The following PHIP variants were observed in gnomAD, a reference collection of about 807,000 sequenced individuals.
The protein encoded by PHIP is PH-interacting protein.
A neutral mutation model predicts 236.8 loss-of-function variants in PHIP; 54 were observed. The observed-to-expected ratio is 0.23, with a 90% confidence interval of 0.18 to 0.29. PHIP has a LOEUF of 0.29. Among genes scored for constraint, PHIP ranks in the 10% least tolerant of loss-of-function variants. PHIP has a pLI of 1.00. For synonymous variants in PHIP, 756 were observed against 718.9 expected, an observed-to-expected ratio of 1.05 and a Z score of -0.83; for missense variants, 1,370 against 2,190.8, an observed-to-expected ratio of 0.63 and a Z score of 7.48.
intron 35 of PHIP, among the ~76,000 whole-genome samples, chr6:78,948,503 C>T (rs1348755943): frequency 6.6e-6 from 1 of 151,934 alleles, no homozygotes; most frequent in East Asian, 1.9e-4. Flanking sequence ...TATTGTACCC[C>T]CCCTTTTTGG....
At chr6:78,956,485 G>A (rs1463754585) in intron 32 of PHIP, 1 of 152,044 alleles carries the variant, frequency 6.6e-6, no homozygotes, top group African/African-American at 2.4e-5. Context: ...ACATTTTTAA[G>A]GCATAGTGTA....
chr6:78,936,657 T>C lies in PHIP; in HGVS notation c.*4036A>G, dbSNP rs1773280997. On this transcript the variant is annotated 3_prime_UTR_variant, in exon 40 of 40. Transcript: ENST00000275034. ...AACACAGAGCTATCAAAACTAAAAA[T>C]AATATCTATTTATAGCTCATATTTT... The C allele has an allele frequency of 6.6e-6, 1 of 151,756 alleles. No homozygotes were observed. Among genetic ancestry groups the C allele is most frequent in the South Asian group, 2.1e-4 (1 of 4,778 alleles). The allele number at this position is 151,756 out of a possible 1,614,324, so 9.4% of individuals were successfully genotyped here.
intron 13 of PHIP, 97 bp from the exon 14 acceptor site, chr6:79,015,880 T>C: frequency 1.4e-6 from 1 of 733,018 alleles, no homozygotes; most frequent in Non-Finnish European, 2.2e-6. Flanking sequence ...TTCACTAACA[T>C]AATAACTATC....
intron 31 of PHIP, among the ~76,000 whole-genome samples, chr6:78,959,075 C>G (rs1341627684): frequency 6.6e-6 from 1 of 152,092 alleles, no homozygotes; most frequent in Non-Finnish European, 1.5e-5. Flanking sequence ...TTATGAGATA[C>G]AAAATCATAA....
At chr6:79,034,556 GGTTA>G (rs774684403) in intron 7 of PHIP, among the ~76,000 whole-genome samples, 13 of 152,070 alleles carry the variant, frequency 8.5e-5, no homozygotes, top group Non-Finnish European at 1.6e-4. Flanking sequence ...AGTTTCCAGA[GGTTA>G]AGCTTCAAAA....
Position 78,937,648 on chromosome 6 carries a change from G to C in PHIP, c.*3045C>G, listed in dbSNP as rs898399115. ...TGCCAGCAGTCTTTAAATTTGTAGTGAAGTTGTGCAATAAAAACAATTGAA... is the reference window on the plus strand; with the variant it reads ...TGCCAGCAGTCTTTAAATTTGTAGTCAAGTTGTGCAATAAAAACAATTGAA... On this transcript the variant is annotated 3_prime_UTR_variant, in exon 40 of 40. Coordinates refer to ENST00000275034, the MANE Select transcript of PHIP (RefSeq NM_017934.7). 1 of 150,926 alleles carries C rather than the reference G, an allele frequency of 6.6e-6. No individual in the cohort carries two copies. The highest frequency in any genetic ancestry group is 2.0e-4 in the East Asian group (1 of 5,080). The allele number at this position is 150,926 out of a possible 1,614,324, so 9.3% of individuals were successfully genotyped here.
At chr6:79,030,246 G>A (rs1372730826) in intron 7 of PHIP, among the ~76,000 whole-genome samples, 1 of 152,152 alleles carries the variant, frequency 6.6e-6, no homozygotes, top group Non-Finnish European at 1.5e-5. Context: ...TGGAATAAAA[G>A]CAGTAAGAAA....
intron 17 of PHIP, 127 bp downstream of exon 17, chr6:79,001,772 A>G (rs1360617616): frequency 2.1e-5 from 13 of 632,558 alleles, no homozygotes; most frequent in Non-Finnish European, 3.4e-5. Flanking sequence ...AGACCTGTAT[A>G]AAAGTATAAA....
chr6:78,944,274 T>C (rs1486526021), intron 39 of PHIP, among the ~76,000 whole-genome samples: 2 of 152,104 alleles, frequency 1.3e-5, no homozygotes, highest in Non-Finnish European at 2.9e-5. Context: ...GGCAAAAAAT[T>C]TAAAATGTTT....
At chr6:78,975,871 AAG>A in intron 24 of PHIP, among the ~76,000 whole-genome samples, 1 of 149,552 alleles carries the variant, frequency 6.7e-6, no homozygotes, top group Admixed American at 6.6e-5. Context: ...AAGGAAATAA[AAG>A]AGGATACAAA....
chr6:78,946,659 A>C, intron 37 of PHIP, 52 bp downstream of exon 37: 1 of 1,482,618 alleles, frequency 6.7e-7, no homozygotes, highest in Non-Finnish European at 8.9e-7. Context: ...AAGTTCTATC[A>C]TTTAGATGAA....
chr6:78,990,780 A>AAT, intron 20 of PHIP, 88 bp downstream of exon 20: 1 of 675,672 alleles, frequency 1.5e-6, no homozygotes. Context: ...ACCTGTTTAT[A>AAT]ATACCATGTT....
Position 79,078,044 on chromosome 6 carries a change from A to T in PHIP, c.25T>A (p.Ser9Thr). The T allele has an allele frequency of 1.2e-6, 2 of 1,608,906 alleles. No homozygotes were observed. The highest frequency in any genetic ancestry group is 1.7e-6 in the Non-Finnish European group (2 of 1,179,220). MSCERKGLSELRSELYFLI... is the reference protein window; with the variant it reads MSCERKGLTELRSELYFLI... ...CCCGACTTACCCGATCGCAGCTCCG[A>T]GAGGCCTTTCCTCTCACAAGACATG... The change falls in exon 1 of 40, where the codon TCG becomes ACG. Residue 9 changes from serine (S) to threonine (T), a missense_variant. This residue lies in a region of PHIP where 43 missense variants were observed against 53.8 expected (regional missense o/e 0.80). Coordinates refer to ENST00000275034, the MANE Select transcript of PHIP (RefSeq NM_017934.7).
chr6:79,014,849 ATAAAAC>A (rs1770765486), intron 15 of PHIP, among the ~76,000 whole-genome samples: 1 of 151,872 alleles, frequency 6.6e-6, no homozygotes, highest in Non-Finnish European at 1.5e-5. Flanking sequence ...GCTAAAACTG[ATAAAAC>A]TGTATCAGTT....
intron 4 of PHIP, among the ~76,000 whole-genome samples, chr6:79,075,008 A>G (rs1254610677): frequency 2.0e-5 from 3 of 152,170 alleles, no homozygotes; most frequent in Non-Finnish European, 4.4e-5. Context: ...CAGGTAGAGT[A>G]GAAACTAATG....
At chr6:78,958,449 T>C in intron 32 of PHIP, 26 bp downstream of exon 32, 1 of 1,302,584 alleles carries the variant, frequency 7.7e-7, no homozygotes, top group Non-Finnish European at 1.1e-6. Flanking sequence ...AAAACTATCA[T>C]AATTACATAT....
chr6:79,008,102 G>C (rs1157224727), intron 15 of PHIP, among the ~76,000 whole-genome samples: 1 of 151,650 alleles, frequency 6.6e-6, no homozygotes, highest in Non-Finnish European at 1.5e-5. Context: ...GTTGCAGTGA[G>C]ATGAGATTGT....
At chr6:79,047,931 C>T (rs1049133976) in intron 6 of PHIP, among the ~76,000 whole-genome samples, 2 of 151,696 alleles carry the variant, frequency 1.3e-5, no homozygotes, top group Non-Finnish European at 2.9e-5. Context: ...TCCAGCCTTT[C>T]CATTTACTAA....
intron 6 of PHIP, among the ~76,000 whole-genome samples, chr6:79,055,365 TCC>T (rs1366473435): frequency 6.6e-6 from 1 of 152,150 alleles, no homozygotes; most frequent in African/African-American, 2.4e-5. Flanking sequence ...CTTTCCTATC[TCC>T]CCTTACTCAT....
Sources: gnomAD v4.1 joint callset for allele counts (sites outside exome capture counted in the v4.1 genomes callset) on GRCh38, gnomAD v4.1.1 for gene constraint, gnomAD v4.1.1 regional missense constraint, MANE v1.5 for transcripts, NCBI Gene and HGNC (gene_info 2026-07-23, HGNC 2026-07-21) for gene names.